The following PCM1 variants were observed in gnomAD, a reference collection of about 807,000 sequenced individuals.
PCM1 encodes pericentriolar material 1 protein.
In PCM1, 157 loss-of-function variants were observed where a neutral mutation model predicts 241.9. The observed-to-expected ratio is 0.65, with a 90% CI of 0.57 to 0.74. The LOEUF is 0.74. Among genes scored for constraint, PCM1 ranks in the 30% least tolerant of loss-of-function variants. The probability of loss-of-function intolerance (pLI) is 0.00; values close to 1 mark genes in which losing one functional copy is unlikely to be tolerated. For missense variants in PCM1, 3,478 were observed against 2,360.1 expected, an observed-to-expected ratio of 1.47 and a Z score of -9.81; for synonymous variants, 1,085 against 784.9, an observed-to-expected ratio of 1.38 and a Z score of -6.39.
Position 17,957,653 on chromosome 8 carries a change from A to G in PCM1, c.1918A>G (p.Ser640Gly). The G allele has an allele frequency of 1.2e-6, 2 of 1,601,106 alleles. No individual in the cohort carries two copies. Among genetic ancestry groups the G allele is most frequent in the Non-Finnish European group, 1.7e-6 (2 of 1,172,696 alleles). ...GGGAGTCAGTGGAGCTTCATTATCTAGTCACAGGAGCAGTCTGGTTGATGA... is the reference window on the plus strand; with the variant it reads ...GGGAGTCAGTGGAGCTTCATTATCTGGTCACAGGAGCAGTCTGGTTGATGA... ...EEGVSGASLS[S>G]HRSSLVDEHP... The change falls in exon 13 of 39, where the codon AGT (serine) becomes GGT (glycine). Residue 640 changes from serine (S) to glycine (G), a missense_variant. Ser to Gly is a moderately conservative substitution (Grantham distance 56). Coordinates refer to ENST00000325083, the MANE Select transcript of PCM1 (RefSeq NM_006197.4).
At position 17,955,536 on chromosome 8, in the gene PCM1, C is replaced by G; in HGVS notation, c.1355C>G (p.Pro452Arg). The change falls in exon 10 of 39, where the codon CCG becomes CGG. Residue 452 changes from proline (P) to arginine (R), a missense_variant. Transcript: ENST00000325083. The stretch of plus-strand genomic sequence containing the variant: ...CCCTCTGCTTCTGTAGGCTTGGCAC[C>G]GGTTGTCAATGGAGAATCCAATAGC... ...SAPSASVGLA[P>R]VVNGESNSLT... The G allele has an allele frequency of 6.2e-7, 1 of 1,613,586 alleles. No individual in the cohort carries two copies. Among genetic ancestry groups the G allele is most frequent in the Non-Finnish European group, 8.5e-7 (1 of 1,179,654 alleles).
At chr8:17,926,000 T>A (rs575060918) in intron 2 of PCM1, 1 of 148,886 alleles carries the variant, frequency 6.7e-6, no homozygotes, top group Non-Finnish European at 1.5e-5. Context: ...CTCAGTGGGT[T>A]TTTTTTTTTT....
intron 29 of PCM1, among the ~76,000 whole-genome samples, chr8:18,000,430 A>T (rs928771089): frequency 6.6e-6 from 1 of 152,188 alleles, no homozygotes; most frequent in Non-Finnish European, 1.5e-5. Context: ...CAGTGAGATC[A>T]GAAGAGAAAT....
chr8:18,024,524 T>C (rs930137709), intron 36 of PCM1, among the ~76,000 whole-genome samples: 2 of 152,156 alleles, frequency 1.3e-5, no homozygotes, highest in African/African-American at 2.4e-5. Context: ...ACTTCGAAAA[T>C]TACTGGTTAG....
Position 17,953,153 on chromosome 8 carries a change from A to G in PCM1, c.1255A>G (p.Thr419Ala). 4 of 1,580,226 alleles carry G rather than the reference A, an allele frequency of 2.5e-6. No individual in the cohort carries two copies. The highest frequency in any genetic ancestry group is 1.8e-5 in the Admixed American group (1 of 55,146). ...GGACAAATTGCTTGGAGAACTTCAT[A>G]CACTTCGAGATCAGCATCTTAACAA... ...KMDKLLGELH[T>A]LRDQHLNNSS... The change falls in exon 9 of 39, where the codon ACA (threonine) becomes GCA (alanine). Residue 419 changes from threonine to alanine, a missense_variant. Physicochemically the swap from Thr to Ala is moderately conservative, Grantham distance 58. Coordinates refer to ENST00000325083, the MANE Select transcript of PCM1 (RefSeq NM_006197.4).
At chr8:17,930,034 C>G (rs912733097) in intron 2 of PCM1, among the ~76,000 whole-genome samples, 11 of 151,976 alleles carry the variant, frequency 7.2e-5, no homozygotes, top group Admixed American at 5.9e-4. Flanking sequence ...CCTATTGATC[C>G]TGCACAGCAG....
At chr8:18,019,535 T>C (rs113397130) in intron 36 of PCM1, among the ~76,000 whole-genome samples, 14 of 152,142 alleles carry the variant, frequency 9.2e-5, no homozygotes, top group African/African-American at 3.1e-4. Context: ...TTCCTGAAAC[T>C]AGATGGTCAT....
chr8:17,960,584 G>T, intron 15 of PCM1, 140 bp downstream of exon 15: 1 of 582,990 alleles, frequency 1.7e-6, no homozygotes, highest in Non-Finnish European at 2.8e-6. Flanking sequence ...AAGTGCAGTG[G>T]CGTGATCTTG....
rs1298406367 is a variant in PCM1 at position 17,937,159 on chromosome 8, C to T, written c.122C>T (p.Ala41Val). Reference protein sequence around the residue: ...NMDWGAQQKKANRSSEKNKKK... With the variant: ...NMDWGAQQKKVNRSSEKNKKK... ...GATTGGGGTGCCCAACAGAAGAAAG[C>T]AAATAGATCATCAGAAAAGAATAAG... is the stretch of plus-strand genomic sequence containing the variant. The change falls in exon 4 of 39, where the codon GCA becomes GTA. Residue 41 changes from alanine (A) to valine (V), a missense_variant. Physicochemically the swap from Ala to Val is moderately conservative, Grantham distance 64. Coordinates refer to ENST00000325083, the MANE Select transcript of PCM1 (RefSeq NM_006197.4). 3 of 1,570,052 alleles carry T rather than the reference C, an allele frequency of 1.9e-6. No homozygotes were observed. Among genetic ancestry groups the T allele is most frequent in the Non-Finnish European group, 2.6e-6 (3 of 1,155,848 alleles).
At chr8:17,958,557 CATTT>C (rs1431605137) in intron 13 of PCM1, among the ~76,000 whole-genome samples, 1 of 151,824 alleles carries the variant, frequency 6.6e-6, no homozygotes, top group Non-Finnish European at 1.5e-5. Context: ...ACTATTAACA[CATTT>C]ATAAAGGTGT....
chr8:17,940,937 G>C (rs992101166), intron 6 of PCM1, among the ~76,000 whole-genome samples: 2 of 152,002 alleles, frequency 1.3e-5, no homozygotes, highest in Non-Finnish European at 2.9e-5. Context: ...ATATCTCTTC[G>C]GGTTTTGAGG....
intron 1 of PCM1, among the ~76,000 whole-genome samples, chr8:17,923,893 C>T (rs75734594): frequency 6.6e-6 from 1 of 152,256 alleles, no homozygotes; most frequent in East Asian, 1.9e-4. Context: ...GTTTGGTTTA[C>T]AGAAACTGGC....
chr8:18,010,801 T>G, intron 32 of PCM1, 133 bp downstream of exon 32: 4 of 602,928 alleles, frequency 6.6e-6, no homozygotes, highest in Non-Finnish European at 8.5e-6. Flanking sequence ...GCCAACATGG[T>G]GAAACCCCGT....
chr8:17,939,367 A>G (rs1162298785), intron 5 of PCM1, among the ~76,000 whole-genome samples: 3 of 142,758 alleles, frequency 2.1e-5, no homozygotes, highest in East Asian at 2.0e-4. Context: ...AATACATTTA[A>G]TTAATTTATA....
At position 17,960,430 on chromosome 8, in the gene PCM1, T is replaced by C; in HGVS notation, c.2308T>C (p.Cys770Arg). The change falls in exon 15 of 39, where the codon TGC (cysteine) becomes CGC (arginine). Residue 770 changes from cysteine (C) to arginine (R), a missense_variant. Coordinates refer to ENST00000325083, the MANE Select transcript of PCM1 (RefSeq NM_006197.4). Reference protein sequence around the residue: ...QEKIQALQTACPDLQLSAASV... With the variant: ...QEKIQALQTARPDLQLSAASV... ...GAAAATTCAAGCATTGCAAACGGCA[T>C]GCCCTGACTTACAGGTAATTATGAA... 1 of 1,592,750 alleles carries C rather than the reference T, an allele frequency of 6.3e-7. No individual in the cohort carries two copies.
At chr8:17,964,933 C>G (rs1207336308) in intron 18 of PCM1, among the ~76,000 whole-genome samples, 165 bp downstream of exon 18, 2 of 152,250 alleles carry the variant, frequency 1.3e-5, no homozygotes, top group African/African-American at 2.4e-5. Flanking sequence ...AGTTAAGGGG[C>G]TCAGTTCAGT....
rs1381631254 is a variant in PCM1, at chr8:17,964,600, G to A, written c.2687G>A (p.Cys896Tyr). 3 of 1,613,866 alleles carry A rather than the reference G, an allele frequency of 1.9e-6. No individual in the cohort carries two copies. The highest frequency in any genetic ancestry group is 8.5e-7 in the Non-Finnish European group (1 of 1,179,806). The change falls in exon 18 of 39, where the codon TGT (cysteine) becomes TAT (tyrosine). Residue 896 changes from cysteine (C) to tyrosine (Y), a missense_variant. By Grantham distance (194) the Cys-to-Tyr change is radical. Transcript: ENST00000325083. Reference sequence around the variant, plus strand: ...GCAACTTGGGGAGGGTCTACCCAGTGTGCACTAGATGAAGAAGGAGATGAA... The same window carrying A: ...GCAACTTGGGGAGGGTCTACCCAGTATGCACTAGATGAAGAAGGAGATGAA... Reference protein sequence around the residue: ...TMATWGGSTQCALDEEGDEDG... With the variant: ...TMATWGGSTQYALDEEGDEDG...
intron 34 of PCM1, among the ~76,000 whole-genome samples, chr8:18,012,966 T>C (rs1013216499): frequency 3.9e-5 from 6 of 152,198 alleles, no homozygotes; most frequent in Non-Finnish European, 5.9e-5. Flanking sequence ...TTCAAATGTC[T>C]GCTGAACCTT....
chr8:18,015,118 CTCCTTTA>C (rs947054672), intron 36 of PCM1, among the ~76,000 whole-genome samples: 2 of 152,066 alleles, frequency 1.3e-5, no homozygotes, highest in Non-Finnish European at 2.9e-5. Context: ...TGCATGAATC[CTCCTTTA>C]TCCTTTATAC....
Sources: allele counts gnomAD v4.1 joint callset (sites outside exome capture counted in the v4.1 genomes callset), GRCh38; gene constraint gnomAD v4.1.1; transcripts MANE v1.5; gene names NCBI Gene and HGNC (gene_info 2026-07-23, HGNC 2026-07-21).